The following SP1 variants were observed in gnomAD, a reference collection of about 807,000 sequenced individuals.
SP1 encodes the protein Sp1 transcription factor.
A neutral mutation model predicts 66.3 loss-of-function variants in SP1; 6 were observed. That is an observed-to-expected ratio of 0.09 (90% CI 0.05 to 0.18). The LOEUF is 0.18. Ranked by LOEUF, SP1 falls within the 10% of genes least tolerant of loss-of-function variation. The pLI is 1.00. For missense variants in SP1, 848 were observed against 964.5 expected, an observed-to-expected ratio of 0.88 and a Z score of 1.60; for synonymous variants, 417 against 360.8, an observed-to-expected ratio of 1.16 and a Z score of -1.77.
At chr12:53,402,580 G>A (rs1307599864) in intron 3 of SP1, among the ~76,000 whole-genome samples, 1 of 151,690 alleles carries the variant, frequency 6.6e-6, no homozygotes, top group Non-Finnish European at 1.5e-5. Context: ...GGCTCAGGCT[G>A]GTAATGCCAG....
chr12:53,400,239 A>G (rs1298104492), intron 3 of SP1, among the ~76,000 whole-genome samples: 1 of 152,208 alleles, frequency 6.6e-6, no homozygotes, highest in African/African-American at 2.4e-5. Flanking sequence ...ACTATTCTAG[A>G]TATTTCACAT....
At position 53,384,159 on chromosome 12, in the gene SP1, C is replaced by T. The variant is rs550516069; in HGVS notation, c.1675+537C>T. On this transcript the variant is annotated intron_variant, in intron 3 of 5. Transcript: ENST00000327443. ...TAATTTTTTGTATTTTTAGTAGAGACGGGGTTTCACCATGTGAGCTAGGAT... is the reference window on the plus strand; with the variant it reads ...TAATTTTTTGTATTTTTAGTAGAGATGGGGTTTCACCATGTGAGCTAGGAT... 3.3e-5 allele frequency among the ~76,000 whole-genome samples: 5 copies of T among 151,928 alleles called. No individual in the cohort carries two copies. The South Asian group carries it at 6.2e-4, about 19-fold the overall frequency.
chr12:53,394,017 C>T (rs187249066), intron 3 of SP1, among the ~76,000 whole-genome samples: 36 of 152,006 alleles, frequency 2.4e-4, no homozygotes, highest in South Asian at 8.3e-4. Flanking sequence ...GAGTTCAAGA[C>T]CAGCCTGACC....
In SP1 at chr12:53,383,562, A is replaced by G. The variant is rs962551113; in HGVS notation, c.1615A>G (p.Thr539Ala). Residue 539 changes from threonine to alanine, a missense_variant, in exon 3 of 6, where the codon ACT becomes GCT. By Grantham distance (58) the Thr-to-Ala change is moderately conservative. Around this residue, in one of 7 missense-constraint regions of SP1, gnomAD observed 606 missense variants for 589.9 expected, o/e 1.03. Coordinates refer to ENST00000327443, the MANE Select transcript of SP1 (RefSeq NM_138473.3). The part of the protein sequence containing the change: ...LQTINLSALG[T>A]SGIQVHPIQG... ...GACCATTAACCTCAGTGCATTGGGT[A>G]CTTCAGGAATCCAGGTGCACCCAAT... 1.5e-5 allele frequency: 25 copies of G among 1,613,756 alleles called. No individual in the cohort carries two copies. The highest frequency in any genetic ancestry group is 1.9e-5 in the Non-Finnish European group (23 of 1,179,932).
chr12:53,409,431 C>A lies in SP1; in HGVS notation c.1914C>A (p.Gly638=), dbSNP rs775897921. The A allele has an allele frequency of 6.2e-7, 1 of 1,613,994 alleles. No homozygotes were observed. Among genetic ancestry groups the A allele is most frequent in the South Asian group, 1.1e-5 (1 of 91,072 alleles). ...CHIQGCGKVY[G]KTSHLRAHLR... is the part of the protein sequence containing the mutation. ...TCCAAGGCTGTGGGAAAGTGTATGG[C>A]AAGACCTCTCACCTGCGGGCACACT... Residue 638 remains glycine, a synonymous_variant, in exon 5 of 6, where the codon GGC becomes GGA. Coordinates refer to ENST00000327443, the MANE Select transcript of SP1 (RefSeq NM_138473.3).
intron 4 of SP1, among the ~76,000 whole-genome samples, 161 bp downstream of exon 4, chr12:53,406,914 T>C (rs1938752830): frequency 6.6e-6 from 1 of 151,632 alleles, no homozygotes; most frequent in Admixed American, 6.6e-5. Context: ...AAACTCCACC[T>C]CCTGGGTTCA....
chr12:53,383,142 A>G lies in SP1; in HGVS notation c.1195A>G (p.Ile399Val), dbSNP rs768939380. Residue 399 changes from isoleucine (I) to valine (V), a missense_variant, in exon 3 of 6, where the codon ATT becomes GTT. Coordinates refer to ENST00000327443, the MANE Select transcript of SP1 (RefSeq NM_138473.3). ...EQNQQTQQQQ[I>V]LIQPQLVQGG... ...AAACCAGCAGACACAGCAGCAACAA[A>G]TTCTTATCCAGCCTCAGCTAGTTCA... 41 of 1,614,060 alleles carry G rather than the reference A, an allele frequency of 2.5e-5. No individual in the cohort carries two copies. Among genetic ancestry groups the G allele is most frequent in the Non-Finnish European group, 3.1e-5 (36 of 1,180,046 alleles).
intron 3 of SP1, among the ~76,000 whole-genome samples, chr12:53,400,755 A>ATTTTTTTT (rs10547195): frequency 1.4e-5 from 1 of 70,062 alleles, no homozygotes; most frequent in Non-Finnish European, 2.8e-5. Context: ...CACTGGGCTA[A>ATTTTTTTT]TTTTTTTTTT....
intron 3 of SP1, among the ~76,000 whole-genome samples, chr12:53,387,857 G>A (rs560971595): frequency 4.6e-5 from 7 of 152,106 alleles, no homozygotes; most frequent in Admixed American, 6.6e-5. Context: ...GTGGTGGTGG[G>A]TGCCTGTAAT....
Position 53,413,780 on chromosome 12 carries a change from T to C in SP1, c.*2540T>C, listed in dbSNP as rs549373192. 15 of 152,450 alleles carry C rather than the reference T, an allele frequency of 9.8e-5. No individual in the cohort carries two copies. The highest frequency in any genetic ancestry group is 2.0e-4 in the Admixed American group (3 of 15,286). 9.4% of individuals were successfully genotyped at this position (152,450 alleles called of 1,614,324 possible). ...GAATGGAATCTTCTCCAGTATGAAA[T>C]TACCAGATATAAAATAATGTAATGA... is the stretch of plus-strand genomic sequence containing the variant. On this transcript the variant is annotated 3_prime_UTR_variant, in exon 6 of 6. Transcript: ENST00000327443.
At chr12:53,406,076 T>C (rs1384769348) in intron 3 of SP1, among the ~76,000 whole-genome samples, 2 of 140,130 alleles carry the variant, frequency 1.4e-5, no homozygotes, top group African/African-American at 5.2e-5. Context: ...TTTTTTTTTT[T>C]TTTTTTTTTT....
At chr12:53,381,538 A>T (rs1245807424) in intron 1 of SP1, 121 bp from the exon 2 acceptor site, 2 of 848,982 alleles carry the variant, frequency 2.4e-6, no homozygotes, top group African/African-American at 3.5e-5. Context: ...CATTTTCTTT[A>T]TACTGGTGGC....
At chr12:53,380,422 G>C in intron 1 of SP1, 124 bp downstream of exon 1, 2 of 851,930 alleles carry the variant, frequency 2.3e-6, no homozygotes, top group Non-Finnish European at 3.2e-6. Context: ...CGGCGGCCTA[G>C]GTCCCGCCCG....
At chr12:53,410,655 G>A (rs947427103) in intron 5 of SP1, among the ~76,000 whole-genome samples, 4 of 151,838 alleles carry the variant, frequency 2.6e-5, no homozygotes, top group African/African-American at 9.7e-5. Flanking sequence ...ACAGGCGCCC[G>A]CCACCACGCC....
At position 53,415,357 on chromosome 12, in the gene SP1, A is replaced by G. The variant is rs1938974679; in HGVS notation, c.*4117A>G. 1 of 152,412 alleles carries G rather than the reference A, an allele frequency of 6.6e-6. No homozygotes were observed. The allele number at this position is 152,412 out of a possible 1,614,324, so 9.4% of individuals were successfully genotyped here. ...AGACATTAAGCAGCCTTAAGCTTAA[A>G]TTCCTACTCCCTCTTCCAAATTTGG... On this transcript the variant is annotated 3_prime_UTR_variant, in exon 6 of 6. Coordinates refer to ENST00000327443, the MANE Select transcript of SP1 (RefSeq NM_138473.3).
In SP1 at chr12:53,413,090, G is replaced by A. The variant is rs1366568338; in HGVS notation, c.*1850G>A. 1 of 152,546 alleles carries A rather than the reference G, an allele frequency of 6.6e-6. No individual in the cohort carries two copies. Among genetic ancestry groups the A allele is most frequent in the Non-Finnish European group, 1.5e-5 (1 of 68,034 alleles). 9.4% of individuals were successfully genotyped at this position (152,546 alleles called of 1,614,324 possible). A position where few individuals can be genotyped will look rare whatever the true frequency, so the allele number is the denominator to read the frequency against. On this transcript the variant is annotated 3_prime_UTR_variant, in exon 6 of 6. Transcript: ENST00000327443. ...TATGTGTGGGTGAATGTGTGTTCAT[G>A]CCCGTATATGTCTACACACAGATGA...
At chr12:53,384,381 T>C (rs1259471004) in intron 3 of SP1, among the ~76,000 whole-genome samples, 1 of 151,278 alleles carries the variant, frequency 6.6e-6, no homozygotes, top group East Asian at 1.9e-4. Context: ...GCCTCCCGGG[T>C]TCAAGCGATT....
At chr12:53,388,929 A>G (rs1228050411) in intron 3 of SP1, among the ~76,000 whole-genome samples, 2 of 151,300 alleles carry the variant, frequency 1.3e-5, no homozygotes, top group African/African-American at 4.9e-5. Flanking sequence ...GCAGTGAGCC[A>G]TGATCACGCC....
In SP1 at chr12:53,398,497, T is replaced by G. The variant is rs370746023; in HGVS notation, c.1676-8088T>G. 3.3e-4 allele frequency among the ~76,000 whole-genome samples: 50 copies of G among 152,266 alleles called. 1 individual carries two copies. In the South Asian group the frequency reaches 6.2e-3, roughly 19 times the overall value. ...AGGGTTTCACCATGTTGGCCAGGCTTGTCTCAAACTTGTGACCTCAAGTGA... is the reference window on the plus strand; with the variant it reads ...AGGGTTTCACCATGTTGGCCAGGCTGGTCTCAAACTTGTGACCTCAAGTGA... On this transcript the variant is annotated intron_variant, in intron 3 of 5. Transcript: ENST00000327443.
Sources: allele counts gnomAD v4.1 joint callset (sites outside exome capture counted in the v4.1 genomes callset), GRCh38; gene constraint gnomAD v4.1.1; regional missense constraint gnomAD v4.1.1; transcripts MANE v1.5; gene names NCBI Gene and HGNC (gene_info 2026-07-23, HGNC 2026-07-21).